The following MED27 variants were observed in gnomAD, a reference collection of about 807,000 sequenced individuals.
MED27 encodes the protein mediator complex subunit 27.
Under a neutral mutation model 38.2 loss-of-function variants are expected in MED27, and 30 were observed. The ratio of observed to expected loss-of-function variants is 0.79; its 90% CI spans 0.59 to 1.07. The LOEUF is 1.07. Ranked by LOEUF, MED27 falls within the 50% of genes least tolerant of loss-of-function variation. The pLI, the probability that MED27 is intolerant of heterozygous loss-of-function variation, is 0.00. For synonymous variants in MED27, 122 were observed against 153.5 expected, an observed-to-expected ratio of 0.79 and a Z score of 1.52; for missense variants, 289 against 397.5, an observed-to-expected ratio of 0.73 and a Z score of 2.32.
At chr9:132,067,150 T>C (rs960152600) in intron 2 of MED27, among the ~76,000 whole-genome samples, 4 of 152,254 alleles carry the variant, frequency 2.6e-5, no homozygotes, top group Non-Finnish European at 5.9e-5. Context: ...ATTTATTAAA[T>C]GCCACTGTGT....
At chr9:132,068,143 T>C (rs1022469578) in intron 2 of MED27, among the ~76,000 whole-genome samples, 1 of 152,082 alleles carries the variant, frequency 6.6e-6, no homozygotes, top group Non-Finnish European at 1.5e-5. Context: ...ACAACGGGCC[T>C]GTGCTGGGGC....
At chr9:132,004,121 G>A (rs542928949) in intron 3 of MED27, among the ~76,000 whole-genome samples, 24 of 152,176 alleles carry the variant, frequency 1.6e-4, no homozygotes, top group African/African-American at 3.6e-4. Flanking sequence ...GCAGGGGAGC[G>A]AATCAGTTCT....
At chr9:131,979,968 A>C (rs1377119936) in intron 3 of MED27, among the ~76,000 whole-genome samples, 1 of 152,072 alleles carries the variant, frequency 6.6e-6, no homozygotes, top group African/African-American at 2.4e-5. Flanking sequence ...AACTGTATAC[A>C]TTTTCAATTC....
intron 2 of MED27, among the ~76,000 whole-genome samples, chr9:132,019,592 A>T (rs11243596): frequency 0.57 from 86,097 of 152,054 alleles, 26,476 homozygotes; most frequent in Non-Finnish European, 0.68. Flanking sequence ...AGAAAGGCCA[A>T]AGTAGATGCC....
At chr9:131,946,703 G>C (rs2130978662) in intron 3 of MED27, among the ~76,000 whole-genome samples, 2 of 152,298 alleles carry the variant, frequency 1.3e-5, no homozygotes, top group African/African-American at 4.8e-5. Flanking sequence ...GCCTCATCTA[G>C]GCTTCTTCCA....
intron 2 of MED27, among the ~76,000 whole-genome samples, chr9:132,048,834 AT>A (rs1833402450): frequency 6.6e-6 from 1 of 152,208 alleles, no homozygotes; most frequent in Admixed American, 6.5e-5. Context: ...AAAAGAGACC[AT>A]TTCTAAACCA....
At chr9:132,063,946 A>C (rs1271391102) in intron 2 of MED27, among the ~76,000 whole-genome samples, 5 of 152,224 alleles carry the variant, frequency 3.3e-5, no homozygotes, top group Admixed American at 2.0e-4. Flanking sequence ...ACTATCATGG[A>C]GACACCGGAA....
chr9:132,008,405 A>G (rs1832408421), intron 3 of MED27, among the ~76,000 whole-genome samples: 1 of 152,242 alleles, frequency 6.6e-6, no homozygotes, highest in Admixed American at 6.5e-5. Flanking sequence ...CGGAAACGAT[A>G]GCACCCCTTG....
intron 3 of MED27, among the ~76,000 whole-genome samples, chr9:131,998,683 T>A (rs371460268): frequency 6.6e-6 from 1 of 152,048 alleles, no homozygotes; most frequent in Non-Finnish European, 1.5e-5. Context: ...AATTAAAAAG[T>A]GTAAAAAGTA....
At chr9:131,979,963 T>C (rs574415908) in intron 3 of MED27, among the ~76,000 whole-genome samples, 1 of 152,310 alleles carries the variant, frequency 6.6e-6, no homozygotes, top group South Asian at 2.1e-4. Context: ...AATAAAACTG[T>C]ATACATTTTC....
chr9:131,890,844 G>T (rs554184975), intron 5 of MED27, among the ~76,000 whole-genome samples: 11 of 152,360 alleles, frequency 7.2e-5, no homozygotes, highest in African/African-American at 2.6e-4. Flanking sequence ...TCATGATGCT[G>T]TGAGGAGGAT....
chr9:131,936,147 AAAAGAAAGAAAG>A (rs1216976803), intron 4 of MED27, among the ~76,000 whole-genome samples: 2 of 150,470 alleles, frequency 1.3e-5, no homozygotes, highest in Non-Finnish European at 2.9e-5. Context: ...AAAAAAAAAA[AAAAGAAAGAAAG>A]AAAGAAAGAA....
chr9:131,997,930 T>G lies in MED27; in HGVS notation c.479+16407A>C, dbSNP rs772213546. Among the ~76,000 whole-genome samples, 1 of 152,210 alleles carries G rather than the reference T, an allele frequency of 6.6e-6. No homozygotes were observed. Among genetic ancestry groups the G allele is most frequent in the Non-Finnish European group, 1.5e-5 (1 of 68,024 alleles). On this transcript the variant is annotated intron_variant, in intron 3 of 7. Transcript: ENST00000292035. This position sits in a 1 kb window ranked among gnomAD's most constrained non-coding sequence, Gnocchi z 4.0. ...TTTGGTTGGTGATCTCTCATCTAAT[T>G]TCTTTGAACTCTGAGTCTATAAATC...
chr9:131,979,454 T>A (rs1244544994), intron 3 of MED27, among the ~76,000 whole-genome samples: 1 of 146,486 alleles, frequency 6.8e-6, no homozygotes, highest in East Asian at 2.0e-4. Flanking sequence ...TCACACTACT[T>A]ATTTGCTACT....
intron 5 of MED27, among the ~76,000 whole-genome samples, chr9:131,886,513 C>T (rs1336608665): frequency 6.6e-6 from 1 of 152,212 alleles, no homozygotes; most frequent in Non-Finnish European, 1.5e-5. Context: ...TCTGGCTAAA[C>T]TGCTCTTCAG....
chr9:131,993,023 C>T (rs568356406), intron 3 of MED27, among the ~76,000 whole-genome samples: 1 of 152,128 alleles, frequency 6.6e-6, no homozygotes, highest in East Asian at 1.9e-4. Flanking sequence ...CATGGGTGAC[C>T]CGGGGTGCAA....
intron 6 of MED27, among the ~76,000 whole-genome samples, chr9:131,875,779 A>G (rs1160981205): frequency 6.6e-6 from 1 of 152,098 alleles, no homozygotes; most frequent in East Asian, 1.9e-4. Flanking sequence ...ACACCCAGCT[A>G]ATTTTTATTT....
intron 3 of MED27, among the ~76,000 whole-genome samples, chr9:131,967,851 C>T (rs1182600218): frequency 7.1e-6 from 1 of 141,748 alleles, no homozygotes; most frequent in Non-Finnish European, 1.5e-5. Context: ...CGGAGTCTCG[C>T]TCTGCCGCCC....
At chr9:132,025,206 G>A (rs1381980753) in intron 2 of MED27, among the ~76,000 whole-genome samples, 1 of 148,842 alleles carries the variant, frequency 6.7e-6, no homozygotes, top group Admixed American at 6.7e-5. Context: ...TTGAGACAGA[G>A]TTTTGCTCTT....
Sources: allele counts gnomAD v4.1 joint callset (sites outside exome capture counted in the v4.1 genomes callset), GRCh38; gene constraint gnomAD v4.1.1; non-coding constraint Gnocchi (gnomAD v3.1); transcripts MANE v1.5; gene names NCBI Gene and HGNC (gene_info 2026-07-23, HGNC 2026-07-21).